TRPV3: variants seen among roughly 807,000 people sequenced by gnomAD.
TRPV3 encodes VRL-3.
TRPV3 carries 88 observed loss-of-function variants against 87.1 expected under a neutral mutation model. The ratio of observed to expected loss-of-function variants is 1.01; its 90% CI spans 0.85 to 1.21. TRPV3 has a LOEUF of 1.21. Ranked by LOEUF, TRPV3 falls within the 50% of genes most tolerant of loss-of-function variation. The pLI is 0.00. For synonymous variants in TRPV3, 438 were observed against 423.3 expected, an observed-to-expected ratio of 1.03 and a Z score of -0.43; for missense variants, 1,054 against 1,030.1, an observed-to-expected ratio of 1.02 and a Z score of -0.32.
At chr17:3,542,926 T>C (rs1306533967) in intron 5 of TRPV3, among the ~76,000 whole-genome samples, 1 of 152,060 alleles carries the variant, frequency 6.6e-6, no homozygotes, top group Non-Finnish European at 1.5e-5. Flanking sequence ...TGAGGCCTTT[T>C]GCTCTTTGCC....
rs1567633147 is a variant in TRPV3, at chr17:3,524,324, C to T, written c.1617G>A (p.Leu539=). 6.2e-7 allele frequency: 1 copy of T among 1,614,122 alleles called. No homozygotes were observed. The highest frequency in any genetic ancestry group is 1.1e-5 in the South Asian group (1 of 91,088). Residue 539 remains leucine, a synonymous_variant, in exon 13 of 18, where the codon TTG becomes TTA. Transcript: ENST00000576742. The part of the protein sequence containing the change: ...QAVLVILSVF[L]YLFAYKEYLA... ...GGTACTCTTTGTAGGCAAACAAGTA[C>T]AAGAAGACAGACAGTATCACAAGCA... is the stretch of plus-strand genomic sequence containing the variant.
rs2074122688 is a variant in TRPV3 at position 3,512,262 on chromosome 17, T to G, written c.*1655A>C. The stretch of plus-strand genomic sequence containing the variant: ...ATGCCCAGCCCCGACCACTGTGGCT[T>G]AGAGCACGCGATTACTCCCTGGGTC... On this transcript the variant is annotated 3_prime_UTR_variant, in exon 18 of 18. Transcript: ENST00000576742. The G allele has an allele frequency of 6.6e-6, 1 of 152,276 alleles. No individual in the cohort carries two copies. Among genetic ancestry groups the G allele is most frequent in the Admixed American group, 6.5e-5 (1 of 15,282 alleles). 9.4% of individuals were successfully genotyped at this position (152,276 alleles called of 1,614,324 possible). A position where few individuals can be genotyped will look rare whatever the true frequency, so the allele number is the denominator to read the frequency against.
At chr17:3,535,278 C>CTCCCTCCTCCCTCTCCCTCCTCCCTG (rs1455823020) in intron 7 of TRPV3, among the ~76,000 whole-genome samples, 1 of 91,656 alleles carries the variant, frequency 1.1e-5, no homozygotes, top group African/African-American at 4.8e-5. Context: ...CCTCCTCCCT[C>CTCCCTCCTCCCTCTCCCTCCTCCCTG]CTCCCTTCCT....
At chr17:3,550,935 G>T (rs146818214) in intron 2 of TRPV3, among the ~76,000 whole-genome samples, 6 of 152,200 alleles carry the variant, frequency 3.9e-5, no homozygotes. Flanking sequence ...GGGACTCCAT[G>T]CTCAGTGATC....
Position 3,528,965 on chromosome 17 carries a change from G to A in TRPV3, c.1273C>T (p.Leu425=). Residue 425 remains leucine, a synonymous_variant, in exon 10 of 18, where the codon CTG becomes TTG. Coordinates refer to ENST00000576742, the MANE Select transcript of TRPV3 (RefSeq NM_145068.4). The surrounding 1 kb of genome is among the most constrained non-coding windows in gnomAD (Gnocchi z 4.2). ...NRHEMLTLEP[L]HTLLHMKWKK... ...CACTTCATATGCAGCAGCGTGTGCA[G>A]CGGCTCCAGGGTCAGCATCTCATGC... 1.9e-6 allele frequency: 3 copies of A among 1,614,214 alleles called. No homozygotes were observed. The highest frequency in any genetic ancestry group is 1.7e-6 in the Non-Finnish European group (2 of 1,180,042).
At chr17:3,549,275 G>C (rs1379687796) in intron 2 of TRPV3, among the ~76,000 whole-genome samples, 1 of 152,160 alleles carries the variant, frequency 6.6e-6, no homozygotes, top group Admixed American at 6.6e-5. Context: ...CATCTACAAT[G>C]TGCCAGGCAC....
rs1380391422 is a variant in TRPV3, at chr17:3,530,682, A to C, written c.1066-479T>G. Among the ~76,000 whole-genome samples, 1 of 152,154 alleles carries C rather than the reference A, an allele frequency of 6.6e-6. No individual in the cohort carries two copies. The highest frequency in any genetic ancestry group is 1.5e-5 in the Non-Finnish European group (1 of 68,026). The stretch of plus-strand genomic sequence containing the variant: ...GTGGTGACGAGAGACACCACGCCCT[A>C]CAGGGAGGCCCGTGGGACTTCGGTA... On this transcript the variant is annotated intron_variant, in intron 8 of 17. Coordinates refer to ENST00000576742, the MANE Select transcript of TRPV3 (RefSeq NM_145068.4). The surrounding 1 kb of genome is among the most constrained non-coding windows in gnomAD (Gnocchi z 4.0).
At chr17:3,549,546 G>C (rs963386476) in intron 2 of TRPV3, among the ~76,000 whole-genome samples, 2 of 152,222 alleles carry the variant, frequency 1.3e-5, no homozygotes, top group Non-Finnish European at 2.9e-5. Flanking sequence ...GATAGATAAT[G>C]AGTGAAAGAT....
chr17:3,542,118 G>A (rs998037380), intron 6 of TRPV3, among the ~76,000 whole-genome samples: 3 of 152,052 alleles, frequency 2.0e-5, no homozygotes, highest in Admixed American at 6.6e-5. Context: ...CACCATGCCC[G>A]GCTGATTTTT....
At chr17:3,549,783 GAGTGAATGGAT>G (rs1449629122) in intron 2 of TRPV3, among the ~76,000 whole-genome samples, 29 of 151,616 alleles carry the variant, frequency 1.9e-4, no homozygotes, top group Non-Finnish European at 2.9e-5. Context: ...ATGCGTAGAT[GAGTGAATGGAT>G]GATGGATGGA....
At chr17:3,554,986 A>C (rs2074613860) in intron 1 of TRPV3, 134 bp from the exon 2 acceptor site, 2 of 597,748 alleles carry the variant, frequency 3.3e-6, no homozygotes, top group Admixed American at 6.1e-5. Context: ...CTCCCTTCCC[A>C]GTTCACCAAT....
In TRPV3 at chr17:3,533,013, C is replaced by T. The variant is rs1427267085; in HGVS notation, c.785-76G>A. Reference sequence around the variant, plus strand: ...GTCCCCCAAGCCCCAGGACTGGGGCCCATATCCTATCTCAGCAGGATGGGC... The same window carrying T: ...GTCCCCCAAGCCCCAGGACTGGGGCTCATATCCTATCTCAGCAGGATGGGC... On this transcript the variant is annotated intron_variant, in intron 7 of 17. Transcript: ENST00000576742. 9 of 1,537,394 alleles carry T rather than the reference C, an allele frequency of 5.9e-6. No homozygotes were observed. In the African/African-American group the frequency reaches 8.1e-5, roughly 14 times the overall value.
At position 3,528,145 on chromosome 17, in the gene TRPV3, G is replaced by A. The variant is rs891993876; in HGVS notation, c.1402-19C>T. 3.1e-5 allele frequency: 50 copies of A among 1,601,692 alleles called. No individual in the cohort carries two copies. The highest frequency in any genetic ancestry group is 4.0e-5 in the Non-Finnish European group (47 of 1,171,858). On this transcript the variant is annotated intron_variant, in intron 10 of 17. Coordinates refer to ENST00000576742, the MANE Select transcript of TRPV3 (RefSeq NM_145068.4). This position sits in a 1 kb window ranked among gnomAD's most constrained non-coding sequence, Gnocchi z 4.2. ...GGATGGCCTGCAGGGAAAGAAGAGGGGTGGTCAGTATAGGAAGCAAGGAGG... is the reference window on the plus strand; with the variant it reads ...GGATGGCCTGCAGGGAAAGAAGAGGAGTGGTCAGTATAGGAAGCAAGGAGG...
chr17:3,548,881 G>A (rs1326012063), intron 2 of TRPV3, among the ~76,000 whole-genome samples: 1 of 152,132 alleles, frequency 6.6e-6, no homozygotes, highest in Non-Finnish European at 1.5e-5. Flanking sequence ...ATGATGGTTG[G>A]GCCAGATGAT....
rs1447239811 is a variant in TRPV3, at chr17:3,518,978, T to C, written c.1811-128A>G. The C allele has an allele frequency of 2.7e-5, 29 of 1,060,152 alleles. No homozygotes were observed. Among genetic ancestry groups the C allele is most frequent in the Non-Finnish European group, 3.7e-5 (28 of 752,760 alleles). The allele number at this position is 1,060,152 out of a possible 1,614,324, so 65.7% of individuals were successfully genotyped here. On this transcript the variant is annotated intron_variant, in intron 14 of 17. Coordinates refer to ENST00000576742, the MANE Select transcript of TRPV3 (RefSeq NM_145068.4). The surrounding 1 kb of genome is among the most constrained non-coding windows in gnomAD (Gnocchi z 4.3). ...TCTGGCCATTAAATCCCATCTCCAG[T>C]TTCAGGTCCTCTCAAAGCCTCATCA...
chr17:3,550,993 G>A (rs1197261242), intron 2 of TRPV3, among the ~76,000 whole-genome samples: 1 of 152,222 alleles, frequency 6.6e-6, no homozygotes, highest in Non-Finnish European at 1.5e-5. Context: ...AACCTCTTCA[G>A]AGAGGGGCTG....
intron 13 of TRPV3, among the ~76,000 whole-genome samples, chr17:3,522,210 T>C (rs937288908): frequency 2.6e-5 from 4 of 152,330 alleles, no homozygotes; most frequent in African/African-American, 9.6e-5. Context: ...ATCATAGCCA[T>C]ATGGCAGGAA....
Position 3,512,361 on chromosome 17 carries a change from A to G in TRPV3, c.*1556T>C, listed in dbSNP as rs1412863188. ...AGCCCACCTCTCCCCAATCGGCCCC[A>G]TCAGGGGCACAAAGTCTCTATCTGT... On this transcript the variant is annotated 3_prime_UTR_variant, in exon 18 of 18. Coordinates refer to ENST00000576742, the MANE Select transcript of TRPV3 (RefSeq NM_145068.4). 1 of 152,188 alleles carries G rather than the reference A, an allele frequency of 6.6e-6. No homozygotes were observed. Among genetic ancestry groups the G allele is most frequent in the Non-Finnish European group, 1.5e-5 (1 of 68,092 alleles). The allele number at this position is 152,188 out of a possible 1,614,324, so 9.4% of individuals were successfully genotyped here.
In TRPV3 at chr17:3,554,748, T is replaced by A. The variant is rs1441016659; in HGVS notation, c.103A>T (p.Thr35Ser). Residue 35 changes from threonine to serine, a missense_variant, in exon 2 of 18, where the codon ACC becomes TCC. Transcript: ENST00000576742. ...CAAACCCACCTCTTCTTTGTGGGGG[T>A]GATCTCCGCCGGCCTCTTCTCTGGC... Reference protein sequence around the residue: ...ILPEKRPAEITPTKKSAHFFL... With the variant: ...ILPEKRPAEISPTKKSAHFFL... 1.2e-6 allele frequency: 2 copies of A among 1,611,070 alleles called. No homozygotes were observed. The highest frequency in any genetic ancestry group is 2.2e-5 in the South Asian group (2 of 90,512).
Sources: allele counts gnomAD v4.1 joint callset (sites outside exome capture counted in the v4.1 genomes callset), GRCh38; gene constraint gnomAD v4.1.1; non-coding constraint Gnocchi (gnomAD v3.1); transcripts MANE v1.5; gene names NCBI Gene and HGNC (gene_info 2026-07-23, HGNC 2026-07-21).